The following TENM3 variants were observed in gnomAD, a reference collection of about 807,000 sequenced individuals.
The protein encoded by TENM3 is teneurin-3.
TENM3 carries 63 observed loss-of-function variants against 255.1 expected under a neutral mutation model. That is an observed-to-expected ratio of 0.25 (90% CI 0.20 to 0.30). The LOEUF is 0.30. TENM3 is among the 10% of genes least tolerant of loss of function. The pLI, the probability that TENM3 is intolerant of heterozygous loss-of-function variation, is 1.00. For synonymous variants in TENM3, 1,306 were observed against 1,322.3 expected (o/e 0.99, Z 0.27); for missense variants, 2,929 against 3,461.1 (o/e 0.85, Z 3.86).
the TENM3 span, among the ~76,000 whole-genome samples, chr4:181,792,440 C>G: frequency 6.6e-6 from 1 of 151,902 alleles, no homozygotes; most frequent in African/African-American, 2.4e-5. Flanking sequence ...AGCAATATAC[C>G]GGAAAAGAAG....
chr4:182,175,308 A>T (rs1464255803), intron 1 of TENM3, among the ~76,000 whole-genome samples: 25 of 76,580 alleles, frequency 3.3e-4, no homozygotes, highest in African/African-American at 9.4e-4. Context: ...TCATTAAAAA[A>T]AAAAAAATAT....
At chr4:181,576,426 C>T in the TENM3 span, among the ~76,000 whole-genome samples, 1 of 152,098 alleles carries the variant, frequency 6.6e-6, no homozygotes. Context: ...GATTTCTTTA[C>T]GTTTGAGTAG....
the TENM3 span, among the ~76,000 whole-genome samples, chr4:181,813,158 C>T: frequency 1.3e-5 from 2 of 152,210 alleles, no homozygotes; most frequent in South Asian, 4.1e-4. Context: ...ATTGACATCT[C>T]ACTGTCACCT....
intron 1 of TENM3, among the ~76,000 whole-genome samples, chr4:182,196,069 G>A (rs1192678211): frequency 6.6e-6 from 1 of 152,110 alleles, no homozygotes; most frequent in Non-Finnish European, 1.5e-5. Flanking sequence ...TCTTTGGGCT[G>A]TTTTTCCCTA....
At chr4:182,383,622 A>T (rs988169648) in intron 3 of TENM3, among the ~76,000 whole-genome samples, 3 of 151,932 alleles carry the variant, frequency 2.0e-5, no homozygotes, top group Non-Finnish European at 4.4e-5. Context: ...CCTGTCTTCC[A>T]TCCCTCCCTC....
the TENM3 span, among the ~76,000 whole-genome samples, chr4:181,811,612 A>C: frequency 6.6e-6 from 1 of 152,234 alleles, no homozygotes; most frequent in East Asian, 1.9e-4. Flanking sequence ...GGGAGGCCTC[A>C]CAATCATGGT....
upstream of TENM3, among the ~76,000 whole-genome samples, chr4:182,239,920 T>G (rs1757134351): frequency 6.6e-6 from 1 of 152,220 alleles, no homozygotes; most frequent in South Asian, 2.1e-4. Context: ...ATTTGACACT[T>G]TGGTTTTCTA....
the TENM3 span, among the ~76,000 whole-genome samples, chr4:181,933,476 T>C: frequency 3.3e-5 from 5 of 152,182 alleles, no homozygotes; most frequent in African/African-American, 7.2e-5. Context: ...CTATGAACTT[T>C]TGTCGTCTGA....
chr4:182,027,022 G>A, the TENM3 span, among the ~76,000 whole-genome samples: 4 of 152,080 alleles, frequency 2.6e-5, no homozygotes, highest in Admixed American at 2.6e-4. Flanking sequence ...GATAGGGATT[G>A]CATTGAATCT....
chr4:182,425,844 C>T (rs1771166697), intron 3 of TENM3, among the ~76,000 whole-genome samples: 1 of 151,882 alleles, frequency 6.6e-6, no homozygotes, highest in African/African-American at 2.4e-5. Context: ...CCTGTCTCTA[C>T]TAAAAACACA....
At chr4:181,932,810 T>C in the TENM3 span, among the ~76,000 whole-genome samples, 1 of 152,114 alleles carries the variant, frequency 6.6e-6, no homozygotes, top group Non-Finnish European at 1.5e-5. Context: ...GTGGCACATA[T>C]ACACCATGGA....
the TENM3 span, among the ~76,000 whole-genome samples, chr4:181,575,050 A>G: frequency 2.6e-5 from 4 of 152,310 alleles, 1 homozygote; most frequent in South Asian, 8.3e-4. Context: ...TAGTGTTATA[A>G]TGTAAGAACA....
chr4:182,516,531 AT>A (rs549352973), intron 3 of TENM3, among the ~76,000 whole-genome samples: 1,926 of 152,126 alleles, frequency 0.013, 37 homozygotes, highest in African/African-American at 0.045. Flanking sequence ...GTTATTACGA[AT>A]TTTTTTTAGA....
the TENM3 span, among the ~76,000 whole-genome samples, chr4:182,127,013 G>T: frequency 6.6e-6 from 1 of 152,094 alleles, no homozygotes; most frequent in Non-Finnish European, 1.5e-5. Flanking sequence ...ATGCATATGT[G>T]GTATTTAACA....
chr4:182,447,105 A>G (rs1243025022), intron 3 of TENM3, among the ~76,000 whole-genome samples: 3 of 152,186 alleles, frequency 2.0e-5, no homozygotes, highest in Non-Finnish European at 4.4e-5. Flanking sequence ...GAATGTCTAA[A>G]TTTTAAATAA....
In TENM3 at chr4:182,312,494, A is replaced by G. The variant is rs149457740; in HGVS notation, c.-75-11452A>G. On this transcript the variant is annotated intron_variant, in intron 1 of 27. Transcript: ENST00000511685. The stretch of plus-strand genomic sequence containing the variant: ...TGACCTACTTCAATCAGAATAAGAC[A>G]TCTGGAGTGATATCAAACTGTCTAT... 6.6e-3 allele frequency among the ~76,000 whole-genome samples: 1,011 copies of G among 152,342 alleles called. 10 individuals are homozygous for G. The highest frequency in any genetic ancestry group is 0.023 in the African/African-American group (963 of 41,572).
In TENM3 at chr4:182,166,627, C is replaced by T. The variant is rs1295977791; in HGVS notation, c.-76+21873C>T. Reference sequence around the variant, plus strand: ...GATTTTGACATTTATTTCTTTTCTTCTCTTTTCTTTTCTTTTTCTTTTGTG... The same window carrying T: ...GATTTTGACATTTATTTCTTTTCTTTTCTTTTCTTTTCTTTTTCTTTTGTG... On this transcript the variant is annotated intron_variant, in intron 1 of 2. Transcript: ENST00000512480. Among the ~76,000 whole-genome samples the T allele has an allele frequency of 3.9e-5, 6 of 152,052 alleles. No individual in the cohort carries two copies. The East Asian group carries it at 1.2e-3, about 29-fold the overall frequency.
the TENM3 span, among the ~76,000 whole-genome samples, chr4:181,689,158 C>T: frequency 6.6e-6 from 1 of 152,310 alleles, no homozygotes. Context: ...AACCCCCTGC[C>T]TGGATGGCCA....
chr4:181,845,554 G>A, the TENM3 span, among the ~76,000 whole-genome samples: 3 of 152,080 alleles, frequency 2.0e-5, no homozygotes, highest in Non-Finnish European at 4.4e-5. Context: ...AGAATTAAGC[G>A]TTTGTGCAAC....
Sources: gnomAD v4.1 joint callset for allele counts (sites outside exome capture counted in the v4.1 genomes callset) on GRCh38, gnomAD v4.1.1 for gene constraint, MANE v1.5 for transcripts, NCBI Gene and HGNC (gene_info 2026-07-23, HGNC 2026-07-21) for gene names.